Variants in TPM4 observed in about 807,000 individuals in gnomAD.
The protein encoded by TPM4 is tropomyosin 4.
Under a neutral mutation model 35.8 loss-of-function variants are expected in TPM4, and 17 were observed. The ratio of observed to expected loss-of-function variants is 0.47; its 90% CI spans 0.32 to 0.71. The LOEUF is 0.71. Ranked by LOEUF, TPM4 falls within the 30% of genes least tolerant of loss-of-function variation. The pLI, the probability that TPM4 is intolerant of heterozygous loss-of-function variation, is 0.03. For missense variants in TPM4, 240 were observed against 320.9 expected (o/e 0.75, Z 1.93); for synonymous variants, 120 against 122.9 (o/e 0.98, Z 0.15).
At chr19:16,069,551 A>AGGT (rs1568296202) in intron 2 of TPM4, among the ~76,000 whole-genome samples, 1,213 of 10,058 alleles carry the variant, frequency 0.12, 10 homozygotes, top group African/African-American at 0.28. Context: ...TGTGTGGATG[A>AGGT]GTGTGTGTTT....
Position 16,080,093 on chromosome 19 carries a change from T to C in TPM4, c.133-1820T>C, listed in dbSNP as rs2090464680. ...AGCGTGGCTTCCCTTTTCCTCTCGG[T>C]TGAGGCCCGTTTGACCCGTTCTCAA... On this transcript the variant is annotated intron_variant, in intron 1 of 7. Transcript: ENST00000643579. The C allele has an allele frequency of 5.2e-5, 10 of 193,854 alleles. No homozygotes were observed. In the South Asian group the frequency reaches 1.9e-3, roughly 37 times the overall value. The allele number at this position is 193,854 out of a possible 1,614,324, so 12.0% of individuals were successfully genotyped here. A position where few individuals can be genotyped will look rare whatever the true frequency, so the allele number is the denominator to read the frequency against.
At chr19:16,088,342 AC>A (rs1365538289) in intron 4 of TPM4, 12 of 1,335,922 alleles carry the variant, frequency 9.0e-6, no homozygotes, top group African/African-American at 1.5e-5. Context: ...TAGGAGTGAG[AC>A]AGGAGGCAGC....
At chr19:16,078,634 C>G (rs373905163) in intron 1 of TPM4, among the ~76,000 whole-genome samples, 2 of 152,158 alleles carry the variant, frequency 1.3e-5, no homozygotes, top group Non-Finnish European at 2.9e-5. Flanking sequence ...ACAATTAACT[C>G]GGCTTCAAAA....
chr19:16,093,846 G>A, intron 7 of TPM4, 93 bp downstream of exon 7: 5 of 1,440,536 alleles, frequency 3.5e-6, no homozygotes, highest in Non-Finnish European at 4.8e-6. Context: ...GAGGGGCTGG[G>A]TTGGGCTTTG....
chr19:16,093,612 C>T lies in TPM4; in HGVS notation c.594+14C>T. 1 of 1,614,198 alleles carries T rather than the reference C, an allele frequency of 6.2e-7. No homozygotes were observed. Among genetic ancestry groups the T allele is most frequent in the Non-Finnish European group, 8.5e-7 (1 of 1,180,034 alleles). ...AAACTGAAAGAGGTGAGTGTGGTGG[C>T]ACCCAGCGAGCTCTGGTTTCTCCTG... On this transcript the variant is annotated intron_variant, in intron 6 of 7. Coordinates refer to ENST00000643579, the MANE Select transcript of TPM4 (RefSeq NM_003290.3).
Position 16,067,921 on chromosome 19 carries a change from G to C in TPM4, c.114+183G>C, listed in dbSNP as rs1366416746. 1 of 568,682 alleles carries C rather than the reference G, an allele frequency of 1.8e-6. No homozygotes were observed. Among genetic ancestry groups the C allele is most frequent in the Non-Finnish European group, 3.0e-6 (1 of 333,510 alleles). The allele number at this position is 568,682 out of a possible 1,614,324, so 35.2% of individuals were successfully genotyped here. A position where few individuals can be genotyped will look rare whatever the true frequency, so the allele number is the denominator to read the frequency against. ...GATGGGGTCCTGGGCTGGAAGAGGG[G>C]TGACGATCGGACCCACCCCCAGCAG... On this transcript the variant is annotated intron_variant, in intron 2 of 2. Coordinates refer to the TPM4 transcript ENST00000589897. The surrounding 1 kb of genome is among the most constrained non-coding windows in gnomAD (Gnocchi z 4.1).
intron 3 of TPM4, among the ~76,000 whole-genome samples, chr19:16,087,444 G>C (rs1028301668): frequency 1.3e-5 from 2 of 152,300 alleles, no homozygotes; most frequent in Non-Finnish European, 2.9e-5. Context: ...GGGCATGGTC[G>C]TGCATGCCTG....
chr19:16,083,150 C>A (rs529116394), intron 2 of TPM4, among the ~76,000 whole-genome samples: 4 of 152,108 alleles, frequency 2.6e-5, no homozygotes, highest in African/African-American at 9.7e-5. Context: ...AATGTACTTG[C>A]AACTGACCAT....
chr19:16,088,415 C>CA (rs1158322197), intron 4 of TPM4: 2 of 1,209,668 alleles, frequency 1.7e-6, no homozygotes, highest in African/African-American at 3.1e-5. Flanking sequence ...GCCATCTTAA[C>CA]AGAACACTGA....
upstream of TPM4, chr19:16,075,434 C>T (rs2090394188): frequency 6.6e-6 from 1 of 152,092 alleles, no homozygotes; most frequent in Non-Finnish European, 1.5e-5. Context: ...CCTGTAGGGG[C>T]GAGTCTCTTC....
rs1276892245 is a variant in TPM4, at chr19:16,102,514, T to C, written c.*1168T>C. The C allele has an allele frequency of 8.8e-6, 2 of 226,292 alleles. No individual in the cohort carries two copies. Among genetic ancestry groups the C allele is most frequent in the East Asian group, 1.3e-4 (2 of 15,750 alleles). The allele number at this position is 226,292 out of a possible 1,614,324, so 14.0% of individuals were successfully genotyped here. On this transcript the variant is annotated 3_prime_UTR_variant, in exon 8 of 8. Coordinates refer to ENST00000643579, the MANE Select transcript of TPM4 (RefSeq NM_003290.3). The stretch of plus-strand genomic sequence containing the variant: ...TTTATCTATTAGCAGAAAGGGCCTC[T>C]CTGGCAGCAGAGATTAAAAACTGGC...
At chr19:16,088,640 A>G (rs2090588726) in intron 4 of TPM4, 11 of 1,029,820 alleles carry the variant, frequency 1.1e-5, no homozygotes, top group South Asian at 3.7e-5. Context: ...GGTTTCACAA[A>G]TCCACTCCGG....
At chr19:16,076,143 C>T (rs752733914), upstream of TPM4, 4 of 1,570,484 alleles carry the variant, frequency 2.5e-6, no homozygotes, top group South Asian at 2.3e-5. Context: ...GCAGGAGAAG[C>T]TGGAGCTCAC....
rs376374245 is a variant in TPM4 at position 16,089,127 on chromosome 19, G to A, written c.531+7G>A. The A allele has an allele frequency of 8.6e-5, 139 of 1,613,196 alleles. No homozygotes were observed. In the African/African-American group the frequency reaches 1.6e-3, roughly 19 times the overall value. The stretch of plus-strand genomic sequence containing the variant: ...GGAGGCTGCATCTGAAAAGGTAGGT[G>A]GTTGGCTTGAGCTGGAGGGTGGCTT... On this transcript the variant is annotated splice_region_variant and intron_variant, in intron 5 of 7. Coordinates refer to ENST00000643579, the MANE Select transcript of TPM4 (RefSeq NM_003290.3).
At chr19:16,096,936 C>CTTTTTTTTTTTTTTTTTTTTTTTTTT (rs71178641) in intron 7 of TPM4, among the ~76,000 whole-genome samples, 1 of 69,050 alleles carries the variant, frequency 1.4e-5, no homozygotes, top group Non-Finnish European at 2.7e-5. Context: ...CAAGGTCACT[C>CTTTTTTTTTTTTTTTTTTTTTTTTTT]TTTTTTTTTT....
chr19:16,075,869 C>A, upstream of TPM4: 1 of 920,888 alleles, frequency 1.1e-6, no homozygotes, highest in Non-Finnish European at 1.6e-6. Context: ...GAAAATCCCA[C>A]TATCAGGTAG....
At chr19:16,073,975 A>AG (rs71178638), upstream of TPM4, among the ~76,000 whole-genome samples, 1 of 146,112 alleles carries the variant, frequency 6.8e-6, no homozygotes, top group South Asian at 2.1e-4. Context: ...AAAAAAAAAA[A>AG]TAATGCACAC....
upstream of TPM4, chr19:16,075,508 AT>A (rs1006591967): frequency 1.1e-4 from 17 of 152,596 alleles, no homozygotes; most frequent in African/African-American, 4.1e-4. Flanking sequence ...CCTTCAGAGT[AT>A]TTTGGTAAGA....
intron 1 of TPM4, among the ~76,000 whole-genome samples, chr19:16,078,921 T>C (rs1168377245): frequency 1.3e-5 from 2 of 151,448 alleles, no homozygotes; most frequent in Non-Finnish European, 2.9e-5. Flanking sequence ...CGACAGCTGG[T>C]TTCGTTTAGA....
Sources: gnomAD v4.1 joint callset for allele counts (sites outside exome capture counted in the v4.1 genomes callset) on GRCh38, gnomAD v4.1.1 for gene constraint, Gnocchi (gnomAD v3.1) non-coding constraint, MANE v1.5 for transcripts, NCBI Gene and HGNC (gene_info 2026-07-23, HGNC 2026-07-21) for gene names.